The following CES1 variants were observed in gnomAD, a reference collection of about 807,000 sequenced individuals.
The protein encoded by CES1 is liver carboxylesterase 1.
CES1 carries 50 observed loss-of-function variants against 53.0 expected under a neutral mutation model. The ratio of observed to expected loss-of-function variants is 0.94; its 90% CI spans 0.75 to 1.19. CES1 has a LOEUF of 1.19. CES1 is among the 50% of genes most tolerant of loss of function. CES1 has a pLI of 0.00. For missense variants in CES1, 534 were observed against 538.0 expected, an observed-to-expected ratio of 0.99 and a Z score of 0.07; for synonymous variants, 202 against 210.1, an observed-to-expected ratio of 0.96 and a Z score of 0.33.
intron 8 of CES1, among the ~76,000 whole-genome samples, chr16:55,814,579 G>T (rs1295592481): frequency 6.6e-6 from 1 of 152,234 alleles, no homozygotes; most frequent in Non-Finnish European, 1.5e-5. Context: ...CCTGGTGTCT[G>T]GAAAGGCTGA....
intron 11 of CES1, among the ~76,000 whole-genome samples, chr16:55,810,206 C>T (rs1322830521): frequency 2.6e-5 from 4 of 152,192 alleles, no homozygotes; most frequent in South Asian, 4.1e-4. Context: ...CAGTTGTCCA[C>T]AGTGGATACT....
At chr16:55,824,940 C>T (rs1293470989) in intron 3 of CES1, among the ~76,000 whole-genome samples, 8 of 152,332 alleles carry the variant, frequency 5.3e-5, no homozygotes, top group Non-Finnish European at 1.2e-4. Flanking sequence ...CCTTGTTTCT[C>T]CCACAACTCT....
In CES1 at chr16:55,811,121, G is replaced by T. The variant is rs563032675; in HGVS notation, c.1087-111C>A. ...GTCTGAAAGTCCTCTAATTATGGGGGCTTTTAAGGGCATGAGTCTTTACTG... is the reference window on the plus strand; with the variant it reads ...GTCTGAAAGTCCTCTAATTATGGGGTCTTTTAAGGGCATGAGTCTTTACTG... On this transcript the variant is annotated intron_variant, in intron 9 of 13. Transcript: ENST00000360526. 9.3e-6 allele frequency: 8 copies of T among 864,204 alleles called. 1 individual carries two copies. In the Middle Eastern group the frequency reaches 1.3e-3, roughly 136 times the overall value. 53.5% of individuals were successfully genotyped at this position (864,204 alleles called of 1,614,324 possible). A position where few individuals can be genotyped will look rare whatever the true frequency, so the allele number is the denominator to read the frequency against.
At chr16:55,821,890 A>G (rs2032215125) in intron 4 of CES1, among the ~76,000 whole-genome samples, 2 of 152,184 alleles carry the variant, frequency 1.3e-5, no homozygotes, top group Admixed American at 1.3e-4. Flanking sequence ...GGTAAATACA[A>G]TGGAGTAAGG....
At chr16:55,824,789 G>C (rs1388090849) in intron 3 of CES1, among the ~76,000 whole-genome samples, 1 of 152,202 alleles carries the variant, frequency 6.6e-6, no homozygotes, top group Non-Finnish European at 1.5e-5. Flanking sequence ...CCCATTTTGA[G>C]GAAACAGAGG....
chr16:55,823,373 G>A (rs1380905640), intron 4 of CES1, among the ~76,000 whole-genome samples, 177 bp downstream of exon 4: 1 of 152,018 alleles, frequency 6.6e-6, no homozygotes, highest in Non-Finnish European at 1.5e-5. Context: ...AAAGCTCAGA[G>A]GCAAGTGGAT....
Position 55,828,830 on chromosome 16 carries a change from A to T in CES1, c.197T>A (p.Phe66Tyr). The change falls in exon 2 of 14, where the codon TTT (phenylalanine) becomes TAT (tyrosine). Residue 66 changes from phenylalanine to tyrosine, a missense_variant. Coordinates refer to ENST00000360526, the MANE Select transcript of CES1 (RefSeq NM_001025195.2). ...FAKPPLGPLR[F>Y]TPPQPAEPWS... ...TGGTTCTGCAGGCTGCGGTGGAGTA[A>T]ACCTCAGGGGTCCAAGAGGCGGCTT... 1 of 1,614,296 alleles carries T rather than the reference A, an allele frequency of 6.2e-7. No homozygotes were observed. The highest frequency in any genetic ancestry group is 8.5e-7 in the Non-Finnish European group (1 of 1,180,048).
intron 4 of CES1, among the ~76,000 whole-genome samples, chr16:55,823,050 C>T (rs2032267634): frequency 6.6e-6 from 1 of 152,136 alleles, no homozygotes; most frequent in African/African-American, 2.4e-5. Flanking sequence ...TGGGTCCCAA[C>T]ACTCCCACAG....
chr16:55,821,059 T>A lies in CES1; in HGVS notation c.693+309A>T, dbSNP rs1833249. ...GTGAGTCCTTATGTTAAAATGAGTG[T>A]GAAGGAGAGAGAGAAAGAGAGAGAG... On this transcript the variant is annotated intron_variant, in intron 5 of 13. Transcript: ENST00000360526. 4.6e-5 allele frequency among the ~76,000 whole-genome samples: 7 copies of A among 151,812 alleles called. 1 individual carries two copies. The highest frequency in any genetic ancestry group is 1.7e-4 in the African/African-American group (7 of 41,344).
chr16:55,828,890 T>C lies in CES1; in HGVS notation c.137A>G (p.Gln46Arg). The change falls in exon 2 of 14, where the codon CAG (glutamine) becomes CGG (arginine). Residue 46 changes from glutamine (Q) to arginine (R), a missense_variant. Physicochemically the swap from Gln to Arg is conservative, Grantham distance 43 (BLOSUM62 1). Coordinates refer to ENST00000360526, the MANE Select transcript of CES1 (RefSeq NM_001025195.2). ...GKFVSLEGFA[Q>R]PVAIFLGIPF... ...GATTCCCAGGAAAATGGCCACAGGC[T>C]GTGCAAATCCTTCTAAGCTGACGAA... 6.8e-6 allele frequency: 11 copies of C among 1,614,216 alleles called. No individual in the cohort carries two copies. Among genetic ancestry groups the C allele is most frequent in the Non-Finnish European group, 9.3e-6 (11 of 1,180,030 alleles).
chr16:55,830,819 A>AAGGCAGGCAGGCAGGCAGGCAGGC (rs57294788), intron 1 of CES1, among the ~76,000 whole-genome samples: 13 of 127,282 alleles, frequency 1.0e-4, no homozygotes, highest in Admixed American at 2.3e-4. Flanking sequence ...GGAAGGAAGG[A>AAGGCAGGCAGGCAGGCAGGCAGGC]AGGCAGGCAG....
At chr16:55,829,257 T>G (rs2032548084) in intron 1 of CES1, among the ~76,000 whole-genome samples, 1 of 152,212 alleles carries the variant, frequency 6.6e-6, no homozygotes, top group African/African-American at 2.4e-5. Context: ...GCTTCCCCCT[T>G]AGAAGTCTCT....
In CES1 at chr16:55,810,998, A is replaced by G. The variant is rs2031669066; in HGVS notation, c.1099T>C (p.Tyr367His). The change falls in exon 10 of 14, where the codon TAT becomes CAT. Residue 367 changes from tyrosine (Y) to histidine (H), a missense_variant. By Grantham distance (83) the Tyr-to-His change is moderately conservative. Around this residue, in one of 5 missense-constraint regions of CES1, gnomAD observed 269 missense variants for 206.6 expected, o/e 1.30. Coordinates refer to ENST00000360526, the MANE Select transcript of CES1 (RefSeq NM_001025195.2). The part of the protein sequence containing the change: ...GWLIPMQLMS[Y>H]PLSEGQLDQK... ...TCCAGTTGCCCTTCGGAGAGTGGAT[A>G]GCTCATCAACTGCTAAAAAAAAAAA... 2 of 1,600,302 alleles carry G rather than the reference A, an allele frequency of 1.2e-6. No homozygotes were observed. The highest frequency in any genetic ancestry group is 2.8e-5 in the African/African-American group (2 of 70,270).
intron 10 of CES1, 32 bp from the exon 11 acceptor site, chr16:55,810,696 C>T (rs758328420): frequency 6.2e-6 from 10 of 1,613,402 alleles, no homozygotes; most frequent in South Asian, 2.2e-5. Context: ...CCACCAGCCC[C>T]GGGTGAGCGA....
chr16:55,833,077 G>C lies in CES1; in HGVS notation c.-22C>G. On this transcript the variant is annotated 5_prime_UTR_variant, in exon 1 of 14. Transcript: ENST00000360526. ...ACATCGTGGAAGGGCGACAGTTCTC[G>C]GGGCCTGCGAGGTCTCTGTGCAGTT... The C allele has an allele frequency of 2.6e-6, 4 of 1,554,994 alleles. 1 individual carries two copies. The highest frequency in any genetic ancestry group is 1.1e-5 in the South Asian group (1 of 87,998).
chr16:55,812,503 G>A, intron 9 of CES1: 1 of 312,120 alleles, frequency 3.2e-6, no homozygotes, highest in East Asian at 6.7e-5. Flanking sequence ...AAGAGCATGA[G>A]TGATTTTCAG....
chr16:55,830,401 G>A (rs761879028), intron 1 of CES1, among the ~76,000 whole-genome samples: 10 of 151,932 alleles, frequency 6.6e-5, no homozygotes, highest in African/African-American at 2.2e-4. Context: ...AGCACTGTAT[G>A]GGATTTCCGG....
chr16:55,829,262 G>C (rs1377602882), intron 1 of CES1, among the ~76,000 whole-genome samples: 1 of 152,248 alleles, frequency 6.6e-6, no homozygotes, highest in Non-Finnish European at 1.5e-5. Flanking sequence ...CCCCTTAGAA[G>C]TCTCTGGAAA....
At position 55,821,421 on chromosome 16, in the gene CES1, C is replaced by T. The variant is rs1271175211; in HGVS notation, c.640G>A (p.Gly214Ser). 3 of 1,614,222 alleles carry T rather than the reference C, an allele frequency of 1.9e-6. No individual in the cohort carries two copies. Among genetic ancestry groups the T allele is most frequent in the Admixed American group, 3.3e-5 (2 of 60,028 alleles). ...DNIASFGGNP[G>S]SVTIFGESAG... is the part of the protein sequence containing the mutation. ...GACTCTCCAAAGATGGTCACAGAGC[C>T]TGGGTTCCCTCCAAAGCTGGCAATG... The change falls in exon 5 of 14, where the codon GGC becomes AGC. Residue 214 changes from glycine to serine, a missense_variant. Transcript: ENST00000360526.
Sources: allele counts gnomAD v4.1 joint callset (sites outside exome capture counted in the v4.1 genomes callset), GRCh38; gene constraint gnomAD v4.1.1; regional missense constraint gnomAD v4.1.1; transcripts MANE v1.5; gene names NCBI Gene and HGNC (gene_info 2026-07-23, HGNC 2026-07-21).